The following LYST variants were observed in gnomAD, a reference collection of about 807,000 sequenced individuals.
LYST encodes lysosomal-trafficking regulator.
In LYST, 192 loss-of-function variants were observed where a neutral mutation model predicts 413.6. The observed-to-expected ratio is 0.46, with a 90% confidence interval of 0.41 to 0.52. The LOEUF is 0.52. Among genes scored for constraint, LYST ranks in the 20% least tolerant of loss-of-function variants. LYST has a pLI of 0.00. For synonymous variants in LYST, 1,525 were observed against 1,567.3 expected, an observed-to-expected ratio of 0.97 and a Z score of 0.64; for missense variants, 3,815 against 4,499.9, an observed-to-expected ratio of 0.85 and a Z score of 4.35.
chr1:235,677,327 TA>T, intron 49 of LYST, 139 bp from the exon 50 acceptor site: 1 of 1,068,944 alleles, frequency 9.4e-7, no homozygotes, highest in African/African-American at 1.6e-5. Flanking sequence ...ATGACTTCAA[TA>T]AAATATAATA....
intron 39 of LYST, 128 bp from the exon 40 acceptor site, chr1:235,721,033 C>G (rs1663316964): frequency 1.1e-6 from 1 of 895,692 alleles, no homozygotes; most frequent in Non-Finnish European, 1.8e-6. Context: ...ATTTTTTTCT[C>G]AGTAACATTA....
At chr1:235,867,095 C>G (rs1380635864), upstream of LYST, among the ~76,000 whole-genome samples, 2 of 152,182 alleles carry the variant, frequency 1.3e-5, no homozygotes, top group Non-Finnish European at 2.9e-5. Context: ...AGGCGTGACG[C>G]GTGGAACTGC....
At chr1:235,752,295 A>G in intron 26 of LYST, 124 bp from the exon 27 acceptor site, 1 of 671,144 alleles carries the variant, frequency 1.5e-6, no homozygotes, top group Non-Finnish European at 2.6e-6. Flanking sequence ...TCATTCATGC[A>G]GTCATTCAGT....
chr1:235,766,786 T>G (rs961867352), intron 20 of LYST, among the ~76,000 whole-genome samples: 2 of 152,132 alleles, frequency 1.3e-5, no homozygotes, highest in African/African-American at 4.8e-5. Flanking sequence ...ATCACTACTA[T>G]TACTACTGCT....
At chr1:235,864,293 C>A (rs1680238680) in intron 1 of LYST, among the ~76,000 whole-genome samples, 1 of 151,988 alleles carries the variant, frequency 6.6e-6, no homozygotes, top group African/African-American at 2.4e-5. Flanking sequence ...ATATTTTTTT[C>A]TTTAAAAACG....
chr1:235,810,061 A>G lies in LYST; in HGVS notation c.757T>C (p.Ser253Pro). The G allele has an allele frequency of 6.2e-7, 1 of 1,614,046 alleles. No individual in the cohort carries two copies. Among genetic ancestry groups the G allele is most frequent in the Non-Finnish European group, 8.5e-7 (1 of 1,179,930 alleles). The part of the protein sequence containing the change: ...ALSVISNMNN[S>P]PFDLCHVLLS... ...AAAACATGACATAAGTCAAATGGAG[A>G]ATTGTTCATGTTACTGATAACAGAC... is the stretch of plus-strand genomic sequence containing the variant. Residue 253 changes from serine to proline, a missense_variant, in exon 5 of 53, where the codon TCT becomes CCT. Ser to Pro is a moderately conservative substitution (Grantham distance 74). Around this residue, in one of 4 missense-constraint regions of LYST, gnomAD observed 1,648 missense variants for 1,810.3 expected, o/e 0.91. Coordinates refer to ENST00000389793, the MANE Select transcript of LYST (RefSeq NM_000081.4).
At chr1:235,842,445 A>T (rs1449632961) in intron 1 of LYST, among the ~76,000 whole-genome samples, 2 of 152,230 alleles carry the variant, frequency 1.3e-5, no homozygotes, top group African/African-American at 2.4e-5. Context: ...TTAAGTAACC[A>T]TGAAGCTAGT....
chr1:235,873,862 G>T (rs1037539114), intron 1 of LYST, among the ~76,000 whole-genome samples: 1 of 152,140 alleles, frequency 6.6e-6, no homozygotes, highest in Non-Finnish European at 1.5e-5. Context: ...TGAAATACAG[G>T]TTTCCTATTC....
intron 17 of LYST, among the ~76,000 whole-genome samples, chr1:235,775,729 G>A (rs541710898): frequency 3.3e-5 from 5 of 152,120 alleles, no homozygotes; most frequent in African/African-American, 1.2e-4. Context: ...AGGAATAAAG[G>A]GGTGGCTAAG....
chr1:235,697,324 G>T, intron 45 of LYST, 52 bp from the exon 46 acceptor site: 1 of 1,313,126 alleles, frequency 7.6e-7, no homozygotes, highest in Non-Finnish European at 1.1e-6. Context: ...GGTAAGTGTA[G>T]AATTACTTCT....
At position 235,801,083 on chromosome 1, in the gene LYST, A is replaced by G. The variant is rs765988194; in HGVS notation, c.3727T>C (p.Ser1243Pro). 5 of 1,601,004 alleles carry G rather than the reference A, an allele frequency of 3.1e-6. No homozygotes were observed. The African/African-American group carries it at 6.7e-5, about 21-fold the overall frequency. ...ETQDDGVDLK[S>P]ETEGFSASSS... ...GATGCACTGAAACCTTCTGTTTCAG[A>G]CTTTAAGTCTACCCCTGAAAAGAGA... Residue 1243 changes from serine to proline, a missense_variant, in exon 9 of 53, where the codon TCT becomes CCT. Coordinates refer to ENST00000389793, the MANE Select transcript of LYST (RefSeq NM_000081.4).
chr1:235,834,157 T>C (rs1007502487), intron 1 of LYST, among the ~76,000 whole-genome samples: 3 of 152,182 alleles, frequency 2.0e-5, no homozygotes, highest in Admixed American at 1.3e-4. Flanking sequence ...TTCATATCTT[T>C]ATTGAAGTTT....
At chr1:235,663,687 T>C (rs1219294872) in intron 52 of LYST, among the ~76,000 whole-genome samples, 3 of 152,200 alleles carry the variant, frequency 2.0e-5, no homozygotes, top group African/African-American at 7.2e-5. Context: ...CAATCACCAT[T>C]ATGGTCTTGT....
Position 235,752,637 on chromosome 1 carries a change from A to C in LYST, c.7460+407T>G, listed in dbSNP as rs372537681. Among the ~76,000 whole-genome samples the C allele has an allele frequency of 2.6e-4, 39 of 152,214 alleles. No individual in the cohort carries two copies. The South Asian group carries it at 7.7e-3, about 30-fold the overall frequency. ...ACTTGTATAAATTAGGGTTATTTTT[A>C]GGACTAAAAGAGGTAATAGATTTGC... On this transcript the variant is annotated intron_variant, in intron 26 of 52. Coordinates refer to ENST00000389793, the MANE Select transcript of LYST (RefSeq NM_000081.4).
intron 12 of LYST, 156 bp downstream of exon 12, chr1:235,791,543 G>C: frequency 1.4e-6 from 1 of 693,992 alleles, no homozygotes; most frequent in East Asian, 2.6e-5. Context: ...GACAACTCAT[G>C]CTTTGATAAG....
chr1:235,801,178 A>C, intron 8 of LYST, 81 bp from the exon 9 acceptor site: 1 of 935,488 alleles, frequency 1.1e-6, no homozygotes, highest in Non-Finnish European at 1.7e-6. Context: ...TAGAAGATCT[A>C]GTGGCAAAAA....
chr1:235,785,391 C>T (rs1299668087), intron 14 of LYST, among the ~76,000 whole-genome samples: 1 of 152,210 alleles, frequency 6.6e-6, no homozygotes, highest in Non-Finnish European at 1.5e-5. Context: ...ATGTGTCTAT[C>T]TTGTTTACCA....
intron 3 of LYST, among the ~76,000 whole-genome samples, chr1:235,815,000 C>T (rs573489514): frequency 6.6e-6 from 1 of 152,158 alleles, no homozygotes; most frequent in Non-Finnish European, 1.5e-5. Context: ...TCCCCATCCT[C>T]CCATCTGCCA....
intron 47 of LYST, among the ~76,000 whole-genome samples, chr1:235,687,305 C>A (rs1269651149): frequency 6.6e-6 from 1 of 151,890 alleles, no homozygotes; most frequent in African/African-American, 2.4e-5. Flanking sequence ...TCTATACGTG[C>A]CTGTGTGTGG....
Sources: gnomAD v4.1 joint callset for allele counts (sites outside exome capture counted in the v4.1 genomes callset) on GRCh38, gnomAD v4.1.1 for gene constraint, gnomAD v4.1.1 regional missense constraint, MANE v1.5 for transcripts, NCBI Gene and HGNC (gene_info 2026-07-23, HGNC 2026-07-21) for gene names.